CDX1: variants seen among roughly 807,000 people sequenced by gnomAD.
CDX1 encodes the protein homeobox protein CDX-1.
A neutral mutation model predicts 16.9 loss-of-function variants in CDX1; 9 were observed. The ratio of observed to expected loss-of-function variants is 0.53; its 90% CI spans 0.32 to 0.93. The LOEUF is 0.93. Ranked by LOEUF, CDX1 falls within the 40% of genes least tolerant of loss-of-function variation. CDX1 has a pLI of 0.04. For missense variants in CDX1, 393 were observed against 386.1 expected (o/e 1.02, Z -0.15); for synonymous variants, 179 against 179.0 (o/e 1.00, Z 0.00).
In CDX1 at chr5:150,167,031, A is replaced by T; in HGVS notation, c.155A>T (p.Glu52Val). Residue 52 changes from glutamate to valine, a missense_variant, in exon 1 of 3, where the codon GAG becomes GTG. Glu to Val is a moderately radical substitution (Grantham distance 121). Coordinates refer to ENST00000231656, the MANE Select transcript of CDX1 (RefSeq NM_001804.3). ...YPDFSSYSHV[E>V]PAPAPPTAWG... ...GACTTCTCCAGCTACTCTCACGTGG[A>T]GCCGGCCCCCGCGCCCCCGACGGCC... 1 of 1,418,166 alleles carries T rather than the reference A, an allele frequency of 7.1e-7. No homozygotes were observed. Among genetic ancestry groups the T allele is most frequent in the African/African-American group, 1.6e-5 (1 of 63,454 alleles). The allele number at this position is 1,418,166 out of a possible 1,614,324, so 87.8% of individuals were successfully genotyped here. A position where few individuals can be genotyped will look rare whatever the true frequency, so the allele number is the denominator to read the frequency against.
chr5:150,177,936 G>A (rs1761589748), intron 1 of CDX1, among the ~76,000 whole-genome samples: 1 of 152,172 alleles, frequency 6.6e-6, no homozygotes, highest in Non-Finnish European at 1.5e-5. Flanking sequence ...AGAGAAGGGT[G>A]ACAAGGTCTG....
chr5:150,181,650 C>T (rs1394717770), intron 1 of CDX1, among the ~76,000 whole-genome samples: 1 of 152,176 alleles, frequency 6.6e-6, no homozygotes, highest in Non-Finnish European at 1.5e-5. Flanking sequence ...CCTTCACGGC[C>T]CATTCTATTT....
At position 150,173,389 on chromosome 5, in the gene CDX1, C is replaced by T. The variant is rs554524663; in HGVS notation, c.445+6068C>T. 3.6e-4 allele frequency among the ~76,000 whole-genome samples: 55 copies of T among 152,294 alleles called. No individual in the cohort carries two copies. In the South Asian group the frequency reaches 0.011, roughly 31 times the overall value. On this transcript the variant is annotated intron_variant, in intron 1 of 2. Transcript: ENST00000231656. ...CCCTGCCTGGGGGCCTTTGTACCTA[C>T]TGCTCACTCTCCCTGGAATGTCTTT...
chr5:150,182,149 G>A (rs1473314336), intron 1 of CDX1, among the ~76,000 whole-genome samples: 2 of 152,210 alleles, frequency 1.3e-5, no homozygotes, highest in African/African-American at 4.8e-5. Flanking sequence ...ACCTCTACCT[G>A]TGGTGGCTCT....
At chr5:150,171,959 C>T (rs774122182) in intron 1 of CDX1, among the ~76,000 whole-genome samples, 5 of 152,324 alleles carry the variant, frequency 3.3e-5, no homozygotes, top group Admixed American at 6.5e-5. Context: ...CTTAGGGCAT[C>T]GGTGCCTGTG....
chr5:150,180,053 C>CA (rs890692453), intron 1 of CDX1, among the ~76,000 whole-genome samples: 2 of 152,254 alleles, frequency 1.3e-5, no homozygotes, highest in Non-Finnish European at 2.9e-5. Context: ...CTCCAGCTGC[C>CA]ATGCAACCAT....
intron 1 of CDX1, among the ~76,000 whole-genome samples, chr5:150,173,179 C>T (rs1438648143): frequency 6.6e-6 from 1 of 152,244 alleles, no homozygotes; most frequent in Non-Finnish European, 1.5e-5. Flanking sequence ...ATCTGCTGGC[C>T]TCTCCAGCCC....
chr5:150,172,076 A>C (rs1219183269), intron 1 of CDX1, among the ~76,000 whole-genome samples: 1 of 152,124 alleles, frequency 6.6e-6, no homozygotes, highest in Non-Finnish European at 1.5e-5. Flanking sequence ...CCTCTCCTGC[A>C]TCTTCACCAG....
At chr5:150,182,699 C>T (rs1250425261) in intron 1 of CDX1, 69 bp from the exon 2 acceptor site, 1 of 1,461,082 alleles carries the variant, frequency 6.8e-7, no homozygotes, top group Non-Finnish European at 9.1e-7. Flanking sequence ...CCTGGGGGTC[C>T]TGCCTGGGCC....
At chr5:150,178,850 CT>C (rs1035973409) in intron 1 of CDX1, among the ~76,000 whole-genome samples, 11 of 151,392 alleles carry the variant, frequency 7.3e-5, no homozygotes, top group Middle Eastern at 3.4e-3. Context: ...TTCTGTCTTG[CT>C]TTTTTTTTCA....
At chr5:150,175,029 A>G in intron 1 of CDX1, among the ~76,000 whole-genome samples, 1 of 152,066 alleles carries the variant, frequency 6.6e-6, no homozygotes, top group East Asian at 1.9e-4. Flanking sequence ...CACCCACCTC[A>G]GCCTCCCAAA....
chr5:150,181,640 C>A (rs1252651173), intron 1 of CDX1, among the ~76,000 whole-genome samples: 1 of 152,212 alleles, frequency 6.6e-6, no homozygotes, highest in African/African-American at 2.4e-5. Context: ...TTCAGCAAGG[C>A]CTTCACGGCC....
chr5:150,173,117 C>A (rs1282954946), intron 1 of CDX1, among the ~76,000 whole-genome samples: 1 of 152,234 alleles, frequency 6.6e-6, no homozygotes, highest in Non-Finnish European at 1.5e-5. Flanking sequence ...TCCACACCCT[C>A]CCATGGCTTC....
chr5:150,182,949 T>G, intron 2 of CDX1, 36 bp downstream of exon 2: 1 of 1,568,172 alleles, frequency 6.4e-7, no homozygotes, highest in Non-Finnish European at 8.6e-7. Flanking sequence ...ATAGGAGCAG[T>G]GCGAGGACTC....
chr5:150,169,497 A>T (rs1761476619), intron 1 of CDX1, among the ~76,000 whole-genome samples: 1 of 152,080 alleles, frequency 6.6e-6, no homozygotes, highest in African/African-American at 2.4e-5. Context: ...TTGAAGCCAG[A>T]AGGTGCTGCC....
chr5:150,182,785 G>A lies in CDX1; in HGVS notation c.463G>A (p.Asp155Asn). The A allele has an allele frequency of 1.3e-6, 2 of 1,595,212 alleles. No homozygotes were observed. The highest frequency in any genetic ancestry group is 8.5e-7 in the Non-Finnish European group (1 of 1,172,014). ...CTTCTCAGGTAAGACTCGGACCAAG[G>A]ACAAGTACCGCGTGGTCTACACCGA... ...GGGSGKTRTK[D>N]KYRVVYTDHQ... Residue 155 changes from aspartate to asparagine, a missense_variant, in exon 2 of 3, where the codon GAC becomes AAC. Transcript: ENST00000231656.
intron 1 of CDX1, among the ~76,000 whole-genome samples, chr5:150,182,016 G>C (rs936639152): frequency 6.6e-6 from 1 of 152,126 alleles, no homozygotes; most frequent in African/African-American, 2.4e-5. Context: ...TGAGGTAACT[G>C]GCAGGTCCTA....
rs140956520 is a variant in CDX1 at position 150,182,869 on chromosome 5, C to T, written c.547C>T (p.Arg183Trp). ...TTACAGCCGTTACATCACAATCCGG[C>T]GGAAATCAGAGCTGGCTGCCAATCT... ...FHYSRYITIRRKSELAANLGL... is the reference protein window; with the variant it reads ...FHYSRYITIRWKSELAANLGL... The change falls in exon 2 of 3, where the codon CGG becomes TGG. Residue 183 changes from arginine (R) to tryptophan (W), a missense_variant. Physicochemically the swap from Arg to Trp is moderately radical, Grantham distance 101 (BLOSUM62 -3). Transcript: ENST00000231656. The T allele has an allele frequency of 2.7e-5, 44 of 1,612,898 alleles. No individual in the cohort carries two copies. Among genetic ancestry groups the T allele is most frequent in the East Asian group, 1.1e-4 (5 of 44,808 alleles).
chr5:150,182,631 G>C (rs547602457), intron 1 of CDX1, 137 bp from the exon 2 acceptor site: 2 of 738,090 alleles, frequency 2.7e-6, no homozygotes, highest in African/African-American at 3.7e-5. Flanking sequence ...CTTGAACCTG[G>C]AGTGTATGTC....
Sources: allele counts gnomAD v4.1 joint callset (sites outside exome capture counted in the v4.1 genomes callset), GRCh38; gene constraint gnomAD v4.1.1; transcripts MANE v1.5; gene names NCBI Gene and HGNC (gene_info 2026-07-23, HGNC 2026-07-21).